Variants in DNM1L observed in about 807,000 individuals in gnomAD.
The protein encoded by DNM1L is dynamin-1-like protein.
A neutral mutation model predicts 92.8 loss-of-function variants in DNM1L; 33 were observed. That is an observed-to-expected ratio of 0.36 (90% confidence interval 0.27 to 0.48). DNM1L has a LOEUF of 0.48. DNM1L is among the 20% of genes least tolerant of loss of function. The pLI, the probability that DNM1L is intolerant of heterozygous loss-of-function variation, is 0.99. For synonymous variants in DNM1L, 284 were observed against 305.0 expected (o/e 0.93, Z 0.72); for missense variants, 485 against 888.8 (o/e 0.55, Z 5.78).
intron 9 of DNM1L, 138 bp downstream of exon 9, chr12:32,722,771 T>A: frequency 1.5e-6 from 1 of 669,224 alleles, no homozygotes; most frequent in Non-Finnish European, 2.6e-6. Context: ...GTAGAGATAA[T>A]AGGATGATGT....
chr12:32,679,309 C>T lies in DNM1L; in HGVS notation c.-55C>T, dbSNP rs760693266. The T allele has an allele frequency of 1.8e-5, 22 of 1,256,666 alleles. No homozygotes were observed. Among genetic ancestry groups the T allele is most frequent in the Admixed American group, 3.6e-5 (2 of 55,876 alleles). 77.8% of individuals were successfully genotyped at this position (1,256,666 alleles called of 1,614,324 possible). A position where few individuals can be genotyped will look rare whatever the true frequency, so the allele number is the denominator to read the frequency against. The stretch of plus-strand genomic sequence containing the variant: ...GAGGAAGGAGGCGAACTGTGGGCCC[C>T]GGCCCCATTCATTGCCGTGGCCGGC... On this transcript the variant is annotated 5_prime_UTR_variant, in exon 1 of 20. Coordinates refer to ENST00000549701, the MANE Select transcript of DNM1L (RefSeq NM_012062.5).
At chr12:32,712,001 C>T (rs1953142404) in intron 5 of DNM1L, among the ~76,000 whole-genome samples, 1 of 152,166 alleles carries the variant, frequency 6.6e-6, no homozygotes, top group Admixed American at 6.5e-5. Flanking sequence ...CTTGGCTCTT[C>T]CTACCTTTAC....
At chr12:32,713,774 G>A (rs1187628829) in intron 6 of DNM1L, among the ~76,000 whole-genome samples, 2 of 152,234 alleles carry the variant, frequency 1.3e-5, no homozygotes, top group East Asian at 1.9e-4. Context: ...GAGGCCAGGA[G>A]TTCAAAGTCA....
At chr12:32,681,860 TGC>T (rs1565966279) in intron 1 of DNM1L, among the ~76,000 whole-genome samples, 1 of 151,822 alleles carries the variant, frequency 6.6e-6, no homozygotes, top group Non-Finnish European at 1.5e-5. Flanking sequence ...ATTAGCCAGG[TGC>T]TATGGTGTGT....
intron 4 of DNM1L, among the ~76,000 whole-genome samples, chr12:32,708,521 T>C (rs755410142): frequency 6.6e-6 from 1 of 152,192 alleles, no homozygotes; most frequent in Non-Finnish European, 1.5e-5. Flanking sequence ...ATTATATAAT[T>C]CTACTTAGTA....
intron 3 of DNM1L, among the ~76,000 whole-genome samples, 158 bp from the exon 4 acceptor site, chr12:32,707,995 T>G (rs1354111535): frequency 6.6e-6 from 1 of 151,596 alleles, no homozygotes; most frequent in Non-Finnish European, 1.5e-5. Context: ...ATAAAAAAAC[T>G]ATAAATCCTT....
chr12:32,679,879 C>G, intron 1 of DNM1L: 3 of 990,814 alleles, frequency 3.0e-6, no homozygotes, highest in Non-Finnish European at 3.6e-6. Context: ...CTGGCTGTTC[C>G]CATCACTGTT....
Position 32,701,884 on chromosome 12 carries a change from T to C in DNM1L, c.250+322T>C, listed in dbSNP as rs9738377. ...CTGGGATTACAGGCGCCCCCCACCA[T>C]GCCCAGCTAATTTTTGTATTTTTAG... On this transcript the variant is annotated intron_variant, in intron 2 of 19. Transcript: ENST00000549701. Among the ~76,000 whole-genome samples the C allele has an allele frequency of 0.21, 31,829 of 151,328 alleles. 4,243 individuals carry two copies. Among genetic ancestry groups the C allele is most frequent in the African/African-American group, 0.39 (15,948 of 41,282 alleles).
chr12:32,709,865 T>C (rs1016833297), intron 4 of DNM1L, among the ~76,000 whole-genome samples: 2 of 152,078 alleles, frequency 1.3e-5, no homozygotes, highest in Non-Finnish European at 2.9e-5. Context: ...GTATTTATAA[T>C]GGAAAAATAG....
intron 9 of DNM1L, among the ~76,000 whole-genome samples, chr12:32,724,593 A>AATATATATAT (rs869170631): frequency 1.4e-4 from 9 of 66,664 alleles, no homozygotes; most frequent in East Asian, 1.3e-3. Context: ...AAAAAAAAAA[A>AATATATATAT]ATATATATAT....
At chr12:32,705,582 T>G (rs1047171668) in intron 2 of DNM1L, 1 of 390,458 alleles carries the variant, frequency 2.6e-6, no homozygotes, top group African/African-American at 2.1e-5. Context: ...ATATGCTTTG[T>G]TTCTATGACT....
intron 1 of DNM1L, among the ~76,000 whole-genome samples, chr12:32,698,392 G>A (rs1952558818): frequency 6.6e-6 from 1 of 152,176 alleles, no homozygotes; most frequent in Non-Finnish European, 1.5e-5. Flanking sequence ...GGCTGGCTGT[G>A]TCACTCTTAG....
At chr12:32,735,852 G>A (rs1216013047) in intron 13 of DNM1L, among the ~76,000 whole-genome samples, 2 of 151,942 alleles carry the variant, frequency 1.3e-5, no homozygotes, top group African/African-American at 4.8e-5. Context: ...ACTCCAGCCT[G>A]GGCGACAGAG....
chr12:32,708,091 C>T, intron 3 of DNM1L, 62 bp from the exon 4 acceptor site: 1 of 976,548 alleles, frequency 1.0e-6, no homozygotes, highest in Non-Finnish European at 1.6e-6. Context: ...GACTCCCCCT[C>T]CAGCTTAAGA....
At position 32,714,869 on chromosome 12, in the gene DNM1L, A is replaced by G. The variant is rs147303829; in HGVS notation, c.619+1498A>G. Among the ~76,000 whole-genome samples, 1,143 of 151,322 alleles carry G rather than the reference A, an allele frequency of 7.6e-3. 14 individuals carry two copies. The highest frequency in any genetic ancestry group is 0.011 in the Non-Finnish European group (725 of 67,832). On this transcript the variant is annotated intron_variant, in intron 6 of 19. Coordinates refer to ENST00000549701, the MANE Select transcript of DNM1L (RefSeq NM_012062.5). Reference sequence around the variant, plus strand: ...AAAACAATTAGCTGGGTATGGTGGCACTGGGCTGTGGTCCTAGCTACTTGG... The same window carrying G: ...AAAACAATTAGCTGGGTATGGTGGCGCTGGGCTGTGGTCCTAGCTACTTGG...
chr12:32,735,973 G>C (rs1954844808), intron 13 of DNM1L, among the ~76,000 whole-genome samples: 3 of 151,558 alleles, frequency 2.0e-5, no homozygotes, highest in Non-Finnish European at 1.5e-5. Flanking sequence ...AGGAGCAATT[G>C]TGACTTTAAC....
At position 32,731,566 on chromosome 12, in the gene DNM1L, G is replaced by T. The variant is rs200354617; in HGVS notation, c.1356+55G>T. 20 of 1,605,838 alleles carry T rather than the reference G, an allele frequency of 1.2e-5. No individual in the cohort carries two copies. The East Asian group carries it at 4.2e-4, about 34-fold the overall frequency. On this transcript the variant is annotated intron_variant, in intron 11 of 19. Coordinates refer to ENST00000549701, the MANE Select transcript of DNM1L (RefSeq NM_012062.5). The surrounding 1 kb of genome is among the most constrained non-coding windows in gnomAD (Gnocchi z 5.1). ...ATGAACTAGAAAAGGACATGAAGTG[G>T]TGGTTTCACTGGGTGGAAGGAAATG...
chr12:32,726,851 C>T (rs1232231285), intron 9 of DNM1L: 5 of 636,296 alleles, frequency 7.9e-6, no homozygotes, highest in Non-Finnish European at 1.1e-5. Context: ...CTGGTTCTAA[C>T]CTCATCCTAT....
chr12:32,718,545 T>C, intron 6 of DNM1L, 98 bp from the exon 7 acceptor site: 1 of 1,475,414 alleles, frequency 6.8e-7, no homozygotes, highest in Admixed American at 1.7e-5. Context: ...CTAAGTGGGA[T>C]TGTAGATGAG....
Sources: gnomAD v4.1 joint callset for allele counts (sites outside exome capture counted in the v4.1 genomes callset) on GRCh38, gnomAD v4.1.1 for gene constraint, Gnocchi (gnomAD v3.1) non-coding constraint, MANE v1.5 for transcripts, NCBI Gene and HGNC (gene_info 2026-07-23, HGNC 2026-07-21) for gene names.